Variants in COL4A4 observed in about 807,000 individuals in gnomAD.
COL4A4 encodes the protein collagen type IV alpha 4 chain.
Under a neutral mutation model 192.9 loss-of-function variants are expected in COL4A4, and 105 were observed. The ratio of observed to expected loss-of-function variants is 0.54; its 90% CI spans 0.46 to 0.64. COL4A4 has a LOEUF of 0.64. Ranked by LOEUF, COL4A4 falls within the 30% of genes least tolerant of loss-of-function variation. The probability of loss-of-function intolerance (pLI) is 0.00; values close to 1 mark genes in which losing one functional copy is unlikely to be tolerated. For missense variants in COL4A4, 1,967 were observed against 2,169.3 expected, an observed-to-expected ratio of 0.91 and a Z score of 1.85; for synonymous variants, 762 against 769.9, an observed-to-expected ratio of 0.99 and a Z score of 0.17.
intron 36 of COL4A4, among the ~76,000 whole-genome samples, chr2:227,042,524 G>A (rs1050478819): frequency 6.6e-6 from 1 of 152,142 alleles, no homozygotes; most frequent in Non-Finnish European, 1.5e-5. Flanking sequence ...ACACTGTGCT[G>A]TAAGTGTGAC....
chr2:227,146,341 C>T (rs969469332), intron 2 of COL4A4, among the ~76,000 whole-genome samples: 12 of 151,846 alleles, frequency 7.9e-5, no homozygotes, highest in African/African-American at 2.9e-4. Flanking sequence ...ATTTCTTCCA[C>T]GTCCACCCCA....
rs1319384851 is a variant in COL4A4, at chr2:227,138,299, CAG to C, written c.192+1860_192+1861del. Among the ~76,000 whole-genome samples the C allele has an allele frequency of 8.6e-5, 13 of 151,934 alleles. No homozygotes were observed. In the East Asian group the frequency reaches 1.7e-3, roughly 20 times the overall value. On this transcript the variant is annotated intron_variant, in intron 4 of 47. Coordinates refer to ENST00000396625, the MANE Select transcript of COL4A4 (RefSeq NM_000092.5). ...TGCCATTGCACTCCAGTCTGGGTGA[CAG>C]AGTGAGACCCTGTCTAAAAAAGAAA...
At chr2:227,102,614 C>A (rs1574391) in intron 15 of COL4A4, among the ~76,000 whole-genome samples, 175 bp downstream of exon 15, 34 of 152,060 alleles carry the variant, frequency 2.2e-4, no homozygotes, top group Non-Finnish European at 3.5e-4. Flanking sequence ...TAAATGATGT[C>A]AATGGAAGGA....
intron 46 of COL4A4, among the ~76,000 whole-genome samples, chr2:227,008,514 CAG>C (rs1271131657): frequency 1.3e-5 from 2 of 152,160 alleles, no homozygotes; most frequent in Admixed American, 1.3e-4. Flanking sequence ...TCGAGCCAAG[CAG>C]GGGGCCAGGT....
At chr2:227,050,764 A>G (rs1973917524) in intron 33 of COL4A4, among the ~76,000 whole-genome samples, 1 of 152,142 alleles carries the variant, frequency 6.6e-6, no homozygotes, top group Admixed American at 6.5e-5. Context: ...ATATGACTCT[A>G]TGTTAGGGGA....
chr2:227,047,447 T>G (rs1973123391), intron 35 of COL4A4, 28 bp downstream of exon 35: 2 of 1,563,290 alleles, frequency 1.3e-6, no homozygotes, highest in African/African-American at 2.7e-5. Flanking sequence ...ACTTTTTTTG[T>G]TTTAGTAAGA....
intron 34 of COL4A4, among the ~76,000 whole-genome samples, chr2:227,049,115 A>C (rs190855185): frequency 6.6e-6 from 1 of 152,384 alleles, no homozygotes; most frequent in East Asian, 1.9e-4. Flanking sequence ...AAGGTTAAAA[A>C]GGTAAATCAT....
intron 4 of COL4A4, among the ~76,000 whole-genome samples, chr2:227,136,490 T>A (rs533984598): frequency 7.2e-5 from 11 of 152,276 alleles, no homozygotes; most frequent in Middle Eastern, 3.4e-3. Context: ...GTAATGGGGA[T>A]TACAGATGAA....
At position 227,014,714 on chromosome 2, in the gene COL4A4, TTTTG is replaced by T. The variant is rs199872813; in HGVS notation, c.4217-2421_4217-2418del. ...TCTCTGCTCTTTTATTTCTTTTGTGTTTTGTTTGTTTTTCCAGATGGAGTCTCGC... is the reference window on the plus strand; with the variant it reads ...TCTCTGCTCTTTTATTTCTTTTGTGTTTTGTTTTTCCAGATGGAGTCTCGC... On this transcript the variant is annotated intron_variant, in intron 44 of 47. Transcript: ENST00000396625. Among the ~76,000 whole-genome samples the T allele has an allele frequency of 7.2e-3, 1,097 of 152,072 alleles. 15 individuals carry two copies. Among genetic ancestry groups the T allele is most frequent in the African/African-American group, 0.024 (1,013 of 41,470 alleles).
chr2:227,117,860 G>T (rs1007784651), intron 7 of COL4A4, among the ~76,000 whole-genome samples: 2 of 152,140 alleles, frequency 1.3e-5, no homozygotes, highest in Non-Finnish European at 2.9e-5. Context: ...ACTGTTGCTG[G>T]ACATCCATTC....
chr2:227,050,264 G>A (rs1445281375), intron 33 of COL4A4, 133 bp from the exon 34 acceptor site: 2 of 759,424 alleles, frequency 2.6e-6, no homozygotes, highest in Middle Eastern at 2.5e-4. Context: ...AAGTTTAAAT[G>A]CATGCAAGCC....
chr2:226,999,621 G>A (rs138642457), downstream of COL4A4, among the ~76,000 whole-genome samples: 648 of 152,328 alleles, frequency 4.3e-3, 3 homozygotes, highest in African/African-American at 0.015. Flanking sequence ...ATTTAGATAT[G>A]TGATTTATAC....
intron 35 of COL4A4, among the ~76,000 whole-genome samples, chr2:227,044,648 G>C (rs1040438993): frequency 6.6e-6 from 1 of 151,950 alleles, no homozygotes; most frequent in Non-Finnish European, 1.5e-5. Context: ...TGAATTTTGT[G>C]GGGTTGTGTT....
At chr2:227,008,444 G>C in intron 46 of COL4A4, 140 bp from the exon 47 acceptor site, 1 of 995,436 alleles carries the variant, frequency 1.0e-6, no homozygotes, top group Non-Finnish European at 1.5e-6. Context: ...CTGTGGTGAG[G>C]AAGCCATTTC....
At chr2:227,130,302 G>A (rs145468073) in intron 4 of COL4A4, among the ~76,000 whole-genome samples, 3 of 152,344 alleles carry the variant, frequency 2.0e-5, no homozygotes, top group African/African-American at 7.2e-5. Flanking sequence ...TGAGAACCAG[G>A]AGACATGGCT....
chr2:227,137,844 G>T (rs1417255333), intron 4 of COL4A4, among the ~76,000 whole-genome samples: 1 of 151,686 alleles, frequency 6.6e-6, no homozygotes, highest in Non-Finnish European at 1.5e-5. Context: ...AGGCACTGAG[G>T]TTTTTTTTCC....
intron 41 of COL4A4, among the ~76,000 whole-genome samples, 190 bp from the exon 42 acceptor site, chr2:227,028,199 C>G (rs968894166): frequency 6.6e-6 from 1 of 152,104 alleles, no homozygotes; most frequent in African/African-American, 2.4e-5. Flanking sequence ...AACACATGAT[C>G]GGCCGAAAGA....
At chr2:227,001,024 G>A (rs1960815395), downstream of COL4A4, among the ~76,000 whole-genome samples, 1 of 152,040 alleles carries the variant, frequency 6.6e-6, no homozygotes, top group Non-Finnish European at 1.5e-5. Flanking sequence ...CCCAGTCTCA[G>A]GTATGAAAAT....
chr2:227,031,790 T>C (rs1419432805), intron 40 of COL4A4, among the ~76,000 whole-genome samples, 155 bp downstream of exon 40: 1 of 152,128 alleles, frequency 6.6e-6, no homozygotes, highest in African/African-American at 2.4e-5. Flanking sequence ...CTACCCAAAG[T>C]CCCACCCTAA....
Sources: allele counts gnomAD v4.1 joint callset (sites outside exome capture counted in the v4.1 genomes callset), GRCh38; gene constraint gnomAD v4.1.1; transcripts MANE v1.5; gene names NCBI Gene and HGNC (gene_info 2026-07-23, HGNC 2026-07-21).